ADAMTS9: variants seen among roughly 807,000 people sequenced by gnomAD.
ADAMTS9 encodes the protein ADAM metallopeptidase with thrombospondin type 1 motif 9.
A neutral mutation model predicts 257.1 loss-of-function variants in ADAMTS9; 107 were observed. The ratio of observed to expected loss-of-function variants is 0.42; its 90% CI spans 0.36 to 0.49. ADAMTS9 has a LOEUF of 0.49. ADAMTS9 is among the 20% of genes least tolerant of loss of function. ADAMTS9 has a pLI of 0.03. For missense variants in ADAMTS9, 2,353 were observed against 2,469.1 expected (o/e 0.95, Z 1.00); for synonymous variants, 982 against 880.9 (o/e 1.11, Z -2.03).
intron 30 of ADAMTS9, among the ~76,000 whole-genome samples, chr3:64,558,801 C>T (rs1020577783): frequency 1.3e-5 from 2 of 152,102 alleles, no homozygotes; most frequent in African/African-American, 4.8e-5. Flanking sequence ...CCAGGGACCG[C>T]TAAGAAAGAA....
chr3:64,684,064 G>A (rs1047374784), intron 2 of ADAMTS9, among the ~76,000 whole-genome samples: 9 of 152,200 alleles, frequency 5.9e-5, no homozygotes, highest in African/African-American at 2.2e-4. Flanking sequence ...CAAAGGCAAT[G>A]AAGACTAGGA....
At chr3:64,670,878 T>C (rs562517795) in intron 3 of ADAMTS9, among the ~76,000 whole-genome samples, 7 of 152,250 alleles carry the variant, frequency 4.6e-5, no homozygotes, top group Admixed American at 2.0e-4. Context: ...AACAACAAAA[T>C]GTTGACAATA....
At chr3:64,582,687 GATAAGC>G (rs1407749686) in intron 28 of ADAMTS9, 10 of 152,168 alleles carry the variant, frequency 6.6e-5, no homozygotes, top group African/African-American at 2.4e-4. Flanking sequence ...CAAGGATGCT[GATAAGC>G]ATCTACAATG....
intron 11 of ADAMTS9, among the ~76,000 whole-genome samples, chr3:64,643,124 C>T (rs986982373): frequency 6.6e-6 from 1 of 152,182 alleles, no homozygotes; most frequent in Non-Finnish European, 1.5e-5. Context: ...CATCTGAACC[C>T]TGGGTGACTC....
At chr3:64,631,250 G>A (rs770974222) in intron 16 of ADAMTS9, among the ~76,000 whole-genome samples, 1 of 152,198 alleles carries the variant, frequency 6.6e-6, no homozygotes, top group Non-Finnish European at 1.5e-5. Context: ...ATATCAAATA[G>A]TGCAGCTACA....
chr3:64,568,480 T>G lies in ADAMTS9; in HGVS notation c.4412A>C (p.Lys1471Thr), dbSNP rs1224219108. The change falls in exon 29 of 40, where the codon AAA (lysine) becomes ACA (threonine). Residue 1471 changes from lysine to threonine, a missense_variant. Coordinates refer to ENST00000498707, the MANE Select transcript of ADAMTS9 (RefSeq NM_182920.2). ...HKQRNVYCMAKDGSHLESDYC... is the reference protein window; with the variant it reads ...HKQRNVYCMATDGSHLESDYC... ...ATCACTTTCTAAATGGCTTCCATCT[T>G]TTGCCATGCAGTAAACATTTCGTTG... is the stretch of plus-strand genomic sequence containing the variant. 1.2e-6 allele frequency: 2 copies of G among 1,614,152 alleles called. No individual in the cohort carries two copies. The highest frequency in any genetic ancestry group is 1.7e-6 in the Non-Finnish European group (2 of 1,180,004).
At chr3:64,676,086 T>C (rs573600631) in intron 3 of ADAMTS9, among the ~76,000 whole-genome samples, 2 of 152,290 alleles carry the variant, frequency 1.3e-5, no homozygotes, top group Admixed American at 1.3e-4. Context: ...CAAGGCAATT[T>C]AGCTGGGTTG....
At chr3:64,567,037 C>G (rs1378422216) in intron 29 of ADAMTS9, among the ~76,000 whole-genome samples, 1 of 152,020 alleles carries the variant, frequency 6.6e-6, no homozygotes, top group Non-Finnish European at 1.5e-5. Context: ...CAAACAAAAC[C>G]CCCATGTTTC....
intron 28 of ADAMTS9, among the ~76,000 whole-genome samples, chr3:64,578,678 C>T (rs2083919322): frequency 6.6e-6 from 1 of 152,218 alleles, no homozygotes; most frequent in African/African-American, 2.4e-5. Flanking sequence ...AGAAGTCCTG[C>T]TCTTCCTCCA....
intron 32 of ADAMTS9, among the ~76,000 whole-genome samples, chr3:64,543,520 A>G (rs1326092977): frequency 6.6e-5 from 10 of 152,364 alleles, no homozygotes; most frequent in African/African-American, 2.4e-4. Context: ...CAAAAACCAT[A>G]TGATTATCTC....
chr3:64,595,932 T>C (rs945195770), intron 27 of ADAMTS9, among the ~76,000 whole-genome samples: 1 of 152,248 alleles, frequency 6.6e-6, no homozygotes, highest in Non-Finnish European at 1.5e-5. Flanking sequence ...GAGAGATATA[T>C]TCTTAGTTAA....
At chr3:64,660,319 T>C (rs1701192371) in intron 3 of ADAMTS9, among the ~76,000 whole-genome samples, 1 of 152,210 alleles carries the variant, frequency 6.6e-6, no homozygotes, top group South Asian at 2.1e-4. Flanking sequence ...CCTAAATATT[T>C]GACCATTATA....
At position 64,631,567 on chromosome 3, in the gene ADAMTS9, A is replaced by C. The variant is rs755749410; in HGVS notation, c.2294-17T>G. 14 of 1,595,032 alleles carry C rather than the reference A, an allele frequency of 8.8e-6. No homozygotes were observed. The highest frequency in any genetic ancestry group is 1.3e-5 in the African/African-American group (1 of 74,650). On this transcript the variant is annotated splice_polypyrimidine_tract_variant and intron_variant, in intron 15 of 39. Coordinates refer to ENST00000498707, the MANE Select transcript of ADAMTS9 (RefSeq NM_182920.2). ...TATTGTAACCTGAAAAGAATTTAGC[A>C]GAAATTCAGTACTCCACAGAATGGT... is the stretch of plus-strand genomic sequence containing the variant.
At chr3:64,613,203 T>G (rs1192459234) in intron 22 of ADAMTS9, 142 bp downstream of exon 22, 1 of 945,972 alleles carries the variant, frequency 1.1e-6, no homozygotes, top group East Asian at 2.7e-5. Context: ...GAGTTACATG[T>G]GCTTGATCCA....
At chr3:64,634,041 C>T (rs75252996) in intron 12 of ADAMTS9, among the ~76,000 whole-genome samples, 162 bp from the exon 13 acceptor site, 1 of 151,930 alleles carries the variant, frequency 6.6e-6, no homozygotes, top group Admixed American at 6.6e-5. Context: ...TTGCATCCTG[C>T]CTTCAATACC....
At chr3:64,647,844 ATT>A in intron 11 of ADAMTS9, 94 bp downstream of exon 11, 1 of 1,033,924 alleles carries the variant, frequency 9.7e-7, no homozygotes, top group East Asian at 2.5e-5. Context: ...AACAGACTGC[ATT>A]GTCTTATATT....
intron 29 of ADAMTS9, among the ~76,000 whole-genome samples, chr3:64,564,495 C>A (rs993689506): frequency 6.6e-6 from 1 of 152,036 alleles, no homozygotes; most frequent in Non-Finnish European, 1.5e-5. Flanking sequence ...TTATAAGTAA[C>A]AATAATAGCA....
chr3:64,611,471 A>T (rs1336882866), intron 22 of ADAMTS9, among the ~76,000 whole-genome samples: 2 of 152,032 alleles, frequency 1.3e-5, no homozygotes, highest in African/African-American at 2.4e-5. Context: ...GTTGCCAGGG[A>T]CTGAGGGAAG....
rs764920945 is a variant in ADAMTS9 at position 64,541,197 on chromosome 3, C to T, written c.5419G>A (p.Gly1807Arg). The change falls in exon 36 of 40, where the codon GGG (glycine) becomes AGG (arginine). Residue 1807 changes from glycine to arginine, a missense_variant. Physicochemically the swap from Gly to Arg is moderately radical, Grantham distance 125 (BLOSUM62 -2). Coordinates refer to ENST00000498707, the MANE Select transcript of ADAMTS9 (RefSeq NM_182920.2). ...CATTGGCAGTCATCGCGCCGGCTCC[C>T]GTTATAGGGACATTCTGTTGGGTTG... The part of the protein sequence containing the change: ...LHNPTECPYN[G>R]SRRDDCQCRK... 5.0e-6 allele frequency: 8 copies of T among 1,614,052 alleles called. No individual in the cohort carries two copies. The highest frequency in any genetic ancestry group is 2.2e-5 in the East Asian group (1 of 44,890).
Sources: gnomAD v4.1 joint callset for allele counts (sites outside exome capture counted in the v4.1 genomes callset) on GRCh38, gnomAD v4.1.1 for gene constraint, MANE v1.5 for transcripts, NCBI Gene and HGNC (gene_info 2026-07-23, HGNC 2026-07-21) for gene names.